CDH23: variants seen among roughly 807,000 people sequenced by gnomAD.
CDH23 encodes the protein cadherin related 23, also known as cadherin-23.
A neutral mutation model predicts 317.1 loss-of-function variants in CDH23; 189 were observed. That is an observed-to-expected ratio of 0.60 (90% CI 0.53 to 0.67). The LOEUF (loss-of-function observed/expected upper bound fraction) is 0.67, where lower values mean the gene tolerates loss of function less well. Ranked by LOEUF, CDH23 falls within the 30% of genes least tolerant of loss-of-function variation. The pLI is 0.00. For synonymous variants in CDH23, 1,839 were observed against 1,876.8 expected, an observed-to-expected ratio of 0.98 and a Z score of 0.52; for missense variants, 4,401 against 4,592.4, an observed-to-expected ratio of 0.96 and a Z score of 1.20.
intron 9 of CDH23, among the ~76,000 whole-genome samples, chr10:71,606,896 C>G (rs535058383): frequency 6.6e-6 from 1 of 152,068 alleles, no homozygotes; most frequent in East Asian, 1.9e-4. Context: ...CCCGACTGAC[C>G]CAGGATCCTT....
intron 11 of CDH23, among the ~76,000 whole-genome samples, chr10:71,636,511 A>G (rs1246453616): frequency 2.0e-5 from 3 of 152,196 alleles, no homozygotes; most frequent in Non-Finnish European, 4.4e-5. Flanking sequence ...TCTGTCTCAG[A>G]GAAAAGAAAG....
At chr10:71,601,678 C>T (rs1204986294) in intron 9 of CDH23, among the ~76,000 whole-genome samples, 1 of 152,238 alleles carries the variant, frequency 6.6e-6, no homozygotes, top group African/African-American at 2.4e-5. Flanking sequence ...GGACTCCACA[C>T]CCCGTCATCT....
intron 11 of CDH23, among the ~76,000 whole-genome samples, chr10:71,618,448 C>G (rs1308735386): frequency 6.6e-6 from 1 of 152,094 alleles, no homozygotes; most frequent in African/African-American, 2.4e-5. Flanking sequence ...CTCCCCTGCC[C>G]TCACCCCTCC....
chr10:71,583,423 G>T (rs780725984), intron 9 of CDH23, among the ~76,000 whole-genome samples: 1 of 152,112 alleles, frequency 6.6e-6, no homozygotes, highest in African/African-American at 2.4e-5. Flanking sequence ...GCCCACTGTG[G>T]TCAAGGTGGA....
chr10:71,507,973 G>C (rs1388649530), intron 3 of CDH23, among the ~76,000 whole-genome samples: 1 of 152,206 alleles, frequency 6.6e-6, no homozygotes, highest in African/African-American at 2.4e-5. Context: ...TCCGAAATGG[G>C]AGGGTTGGGC....
intron 6 of CDH23, among the ~76,000 whole-genome samples, chr10:71,523,233 A>G (rs1419675862): frequency 6.6e-6 from 1 of 152,210 alleles, no homozygotes; most frequent in African/African-American, 2.4e-5. Flanking sequence ...TCAGTCCTGC[A>G]TGGGAAAACA....
intron 18 of CDH23, among the ~76,000 whole-genome samples, chr10:71,682,819 C>T (rs1864709709): frequency 6.6e-6 from 1 of 152,252 alleles, no homozygotes; most frequent in Non-Finnish European, 1.5e-5. Context: ...GACACATTGT[C>T]TGCTCTGACT....
intron 22 of CDH23, among the ~76,000 whole-genome samples, chr10:71,697,692 C>T (rs932966394): frequency 3.3e-5 from 5 of 152,014 alleles, no homozygotes; most frequent in African/African-American, 7.2e-5. Context: ...AGGAAGCTCC[C>T]GCCCTGCCTG....
intron 28 of CDH23, among the ~76,000 whole-genome samples, chr10:71,721,619 A>C (rs1222975490): frequency 6.6e-6 from 1 of 152,050 alleles, no homozygotes; most frequent in African/African-American, 2.4e-5. Context: ...GCTCCAGTGT[A>C]CTCGTCCTCC....
At chr10:71,753,976 G>C (rs1450534333) in intron 38 of CDH23, 5 of 432,692 alleles carry the variant, frequency 1.2e-5, no homozygotes, top group Non-Finnish European at 1.9e-5. Context: ...TGGGGAAACT[G>C]AGGCTCAGTC....
rs1237015254 is a variant in CDH23 at position 71,800,695 on chromosome 10, T to G, written c.7422T>G (p.Thr2474=). Residue 2474 remains threonine, a synonymous_variant, in exon 53 of 70, where the codon ACT becomes ACG. Coordinates refer to ENST00000224721, the MANE Select transcript of CDH23 (RefSeq NM_022124.6). The part of the protein sequence containing the change: ...DREKKDHYIL[T]ALAKDNPGDV... The stretch of plus-strand genomic sequence containing the variant: ...AGAAGAAGGACCACTATATCCTGAC[T>G]GCCTTGGCCAAAGACAACCCTGGGG... 1 of 1,613,900 alleles carries G rather than the reference T, an allele frequency of 6.2e-7. No individual in the cohort carries two copies. The highest frequency in any genetic ancestry group is 1.3e-5 in the African/African-American group (1 of 74,924).
At chr10:71,621,350 G>A (rs908442255) in intron 11 of CDH23, among the ~76,000 whole-genome samples, 7 of 152,220 alleles carry the variant, frequency 4.6e-5, no homozygotes, top group Non-Finnish European at 7.3e-5. Flanking sequence ...GTGGAGCCAC[G>A]TGACTCTCAC....
rs377269771 is a variant in CDH23, at chr10:71,777,889, C to T, written c.5055C>T (p.Ile1685=). The part of the protein sequence containing the change: ...VAGNIVNTFR[I]DRHMGVITAA... ...GCAACATCGTCAACACCTTCCGCAT[C>T]GACAGACACATGGTCAGCAGCTGAT... The change falls in exon 39 of 70, where the codon ATC becomes ATT. Residue 1685 remains isoleucine, a synonymous_variant. Coordinates refer to ENST00000224721, the MANE Select transcript of CDH23 (RefSeq NM_022124.6). 5.7e-5 allele frequency: 92 copies of T among 1,613,740 alleles called. No individual in the cohort carries two copies. The highest frequency in any genetic ancestry group is 1.1e-4 in the African/African-American group (8 of 74,880).
Position 71,683,945 on chromosome 10 carries a change from G to A in CDH23, c.1986+1373G>A, listed in dbSNP as rs146259182. ...AAAATACAAAAATTAGCCAGGCATCGTGGCAGGTGCCTGTAATCCCAGCTA... is the reference window on the plus strand; with the variant it reads ...AAAATACAAAAATTAGCCAGGCATCATGGCAGGTGCCTGTAATCCCAGCTA... On this transcript the variant is annotated intron_variant, in intron 18 of 69. Coordinates refer to ENST00000224721, the MANE Select transcript of CDH23 (RefSeq NM_022124.6). 6.2e-3 allele frequency among the ~76,000 whole-genome samples: 942 copies of A among 152,124 alleles called. 7 individuals carry two copies. The highest frequency in any genetic ancestry group is 0.021 in the African/African-American group (892 of 41,496).
chr10:71,582,173 C>T (rs1326613423), intron 9 of CDH23, among the ~76,000 whole-genome samples: 1 of 152,178 alleles, frequency 6.6e-6, no homozygotes, highest in Non-Finnish European at 1.5e-5. Flanking sequence ...TTTGTTTGAG[C>T]ACAGGGCAGT....
intron 9 of CDH23, among the ~76,000 whole-genome samples, chr10:71,590,981 C>T (rs1217271407): frequency 1.3e-5 from 2 of 151,458 alleles, no homozygotes; most frequent in African/African-American, 2.4e-5. Flanking sequence ...TCTTAATGTG[C>T]CAGCTTCCAC....
At chr10:71,473,309 T>G (rs1246789458) in intron 3 of CDH23, among the ~76,000 whole-genome samples, 1 of 152,160 alleles carries the variant, frequency 6.6e-6, no homozygotes, top group African/African-American at 2.4e-5. Flanking sequence ...ATCAAGTGGA[T>G]GGAGAAGGAA....
chr10:71,529,690 G>A (rs1486605306), intron 6 of CDH23, among the ~76,000 whole-genome samples: 1 of 152,120 alleles, frequency 6.6e-6, no homozygotes, highest in East Asian at 1.9e-4. Context: ...GGAAACTAGA[G>A]TGTATCACAC....
At chr10:71,624,720 A>G (rs1013805592) in intron 11 of CDH23, among the ~76,000 whole-genome samples, 15 of 148,486 alleles carry the variant, frequency 1.0e-4, no homozygotes, top group African/African-American at 3.8e-4. Flanking sequence ...GAAAAAGCAT[A>G]CTTTAGACAT....
Sources: allele counts gnomAD v4.1 joint callset (sites outside exome capture counted in the v4.1 genomes callset), GRCh38; gene constraint gnomAD v4.1.1; transcripts MANE v1.5; gene names NCBI Gene and HGNC (gene_info 2026-07-23, HGNC 2026-07-21).